The following XPNPEP2 variants were observed in gnomAD, a reference collection of about 807,000 sequenced individuals.
XPNPEP2 encodes xaa-Pro aminopeptidase 2.
In XPNPEP2, 64 loss-of-function variants were observed where a neutral mutation model predicts 59.8. That is an observed-to-expected ratio of 1.07 (90% CI 0.87 to 1.32). The LOEUF (loss-of-function observed/expected upper bound fraction) is 1.32, where lower values mean the gene tolerates loss of function less well. Among genes scored for constraint, XPNPEP2 ranks in the 40% most tolerant of loss-of-function variants. XPNPEP2 has a pLI of 0.00. For missense variants in XPNPEP2, 575 were observed against 546.8 expected, an observed-to-expected ratio of 1.05 and a Z score of -0.51; for synonymous variants, 235 against 210.0, an observed-to-expected ratio of 1.12 and a Z score of -1.03.
At chrX:129,739,291 GCAGCTCTGACCTCTCCCCTCTGAGC>G in intron 1 of XPNPEP2, 29 bp downstream of exon 1, 1 of 1,201,831 alleles carries the variant, frequency 8.3e-7, no homozygotes. Context: ...CCACTGGAAG[GCAGCTCTGACCTCTCCCCTCTGAGC>G]TCAGAAAGGG....
chrX:129,743,039 G>A (rs1229986437), intron 2 of XPNPEP2, among the ~76,000 whole-genome samples: 1 of 112,117 alleles, frequency 8.9e-6, no homozygotes, highest in Non-Finnish European at 1.9e-5. Flanking sequence ...AGACCAGAGT[G>A]ATTCTTTCTA....
chrX:129,761,245 C>T lies in XPNPEP2; in HGVS notation c.1572C>T (p.His524=), dbSNP rs1157025640. Residue 524 remains histidine (H), a synonymous_variant, in exon 17 of 21, where the codon CAC becomes CAT. Coordinates refer to ENST00000371106, the MANE Select transcript of XPNPEP2 (RefSeq NM_003399.6). ...AGLNYGHGTG[H]GIGNFLCVHE... is the part of the protein sequence containing the mutation. ...TCAATTATGGTCATGGGACAGGCCA[C>T]GGCATTGGCAACTTCCTGTGTGTGC... 9.9e-6 allele frequency: 12 copies of T among 1,210,272 alleles called. No individual in the cohort carries two copies. Among genetic ancestry groups the T allele is most frequent in the Non-Finnish European group, 1.3e-5 (12 of 895,146 alleles).
rs745457993 is a variant in XPNPEP2, at chrX:129,761,186, G to A, written c.1513G>A (p.Ala505Thr). 1.2e-5 allele frequency: 15 copies of A among 1,210,106 alleles called. No homozygotes were observed. Among genetic ancestry groups the A allele is most frequent in the Middle Eastern group, 4.6e-4 (2 of 4,370 alleles). Residue 505 changes from alanine to threonine, a missense_variant, in exon 17 of 21, where the codon GCC becomes ACC. Ala to Thr is a moderately conservative substitution (Grantham distance 58, BLOSUM62 0). Coordinates refer to ENST00000371106, the MANE Select transcript of XPNPEP2 (RefSeq NM_003399.6). ...TTCCCTTCCAGGGCGAATGGTGGAGGCCTTTGCCCGCAGAGCCTTGTGGGA... is the reference window on the plus strand; with the variant it reads ...TTCCCTTCCAGGGCGAATGGTGGAGACCTTTGCCCGCAGAGCCTTGTGGGA... The part of the protein sequence containing the change: ...PAATSGRMVE[A>T]FARRALWDAG...
intron 20 of XPNPEP2, 119 bp downstream of exon 20, chrX:129,767,811 C>A: frequency 1.4e-6 from 1 of 711,521 alleles, no homozygotes; most frequent in South Asian, 2.3e-5. Context: ...GTGGCACCTG[C>A]AGACACACAC....
intron 7 of XPNPEP2, among the ~76,000 whole-genome samples, chrX:129,749,106 T>C (rs1239557283): frequency 1.8e-5 from 2 of 112,282 alleles, no homozygotes; most frequent in African/African-American, 6.5e-5. Flanking sequence ...TTCCTGAACC[T>C]TGAAAACATA....
At chrX:129,759,306 C>G in intron 15 of XPNPEP2, 66 bp downstream of exon 15, 1 of 1,163,569 alleles carries the variant, frequency 8.6e-7, no homozygotes, top group Admixed American at 2.2e-5. Context: ...AGTCAAGATC[C>G]CTTCCATTTC....
chrX:129,759,392 C>A, intron 15 of XPNPEP2, 152 bp downstream of exon 15: 1 of 637,094 alleles, frequency 1.6e-6, no homozygotes, highest in Non-Finnish European at 2.4e-6. Flanking sequence ...AAACCCAGTG[C>A]TCCCTGCTGC....
At chrX:129,767,798 C>T in intron 20 of XPNPEP2, 106 bp downstream of exon 20, 1 of 790,924 alleles carries the variant, frequency 1.3e-6, no homozygotes, top group South Asian at 2.1e-5. Context: ...AGGGTCCACA[C>T]TGGTGGCACC....
At position 129,744,596 on chromosome X, in the gene XPNPEP2, G is replaced by A. The variant is rs1926260302; in HGVS notation, c.234+525G>A. Among the ~76,000 whole-genome samples, 3 of 112,217 alleles carry A rather than the reference G, an allele frequency of 2.7e-5. No homozygotes were observed. In the South Asian group the frequency reaches 1.1e-3, roughly 42 times the overall value. On this transcript the variant is annotated intron_variant, in intron 3 of 20. Transcript: ENST00000371106. ...CTTTCCAACACCAGCCCATTTGGAA[G>A]AGAGGGCATTTTTAGTGTCAATGAG...
intron 4 of XPNPEP2, among the ~76,000 whole-genome samples, 178 bp downstream of exon 4, chrX:129,745,444 A>G (rs1480196376): frequency 9.0e-6 from 1 of 110,948 alleles, no homozygotes; most frequent in Non-Finnish European, 1.9e-5. Flanking sequence ...CAGGGCACAT[A>G]TCTCATAGCC....
At chrX:129,764,690 A>T (rs1287421005) in intron 19 of XPNPEP2, among the ~76,000 whole-genome samples, 1 of 106,680 alleles carries the variant, frequency 9.4e-6, no homozygotes, top group Non-Finnish European at 1.9e-5. Flanking sequence ...AGGGCCAGGC[A>T]TGGTGGCTCA....
chrX:129,741,203 T>C (rs1014952922), intron 1 of XPNPEP2, among the ~76,000 whole-genome samples: 8 of 108,172 alleles, frequency 7.4e-5, no homozygotes, highest in Admixed American at 4.9e-4. Context: ...TCACTCTAAA[T>C]TGGGGGCAGA....
chrX:129,757,516 A>G (rs5932676), intron 14 of XPNPEP2, among the ~76,000 whole-genome samples: 39,097 of 106,971 alleles, frequency 0.37, 6,176 homozygotes, highest in African/African-American at 0.61. Context: ...TGCAGAATAG[A>G]CTAACCTGGC....
rs947982563 is a variant in XPNPEP2, at chrX:129,747,491, G to A, written c.491-116G>A. 5.8e-5 allele frequency: 61 copies of A among 1,046,198 alleles called. 1 individual carries two copies. The highest frequency in any genetic ancestry group is 6.6e-5 in the Non-Finnish European group (51 of 767,023). The allele number at this position is 1,046,198 out of a possible 1,213,427, so 86.2% of individuals were successfully genotyped here. On this transcript the variant is annotated intron_variant, in intron 6 of 20. Transcript: ENST00000371106. ...TGGGCAGGCTGCTGGGGCAGGCTCC[G>A]GGCAGCTGGGCTGCAAAGGGAGGCA...
chrX:129,759,086 T>C (rs1370208612), intron 14 of XPNPEP2, 94 bp from the exon 15 acceptor site: 41 of 1,065,588 alleles, frequency 3.8e-5, no homozygotes, highest in Non-Finnish European at 6.5e-6. Context: ...ACCCATCCCA[T>C]CCCAGCCCTG....
intron 1 of XPNPEP2, among the ~76,000 whole-genome samples, chrX:129,740,856 C>T (rs1186500932): frequency 4.7e-5 from 5 of 105,808 alleles, no homozygotes; most frequent in South Asian, 4.4e-4. Flanking sequence ...GCAGGAGAAT[C>T]GCTTGAACCC....
intron 2 of XPNPEP2, 21 bp from the exon 3 acceptor site, chrX:129,743,940 T>C (rs1185550726): frequency 8.5e-7 from 1 of 1,183,198 alleles, no homozygotes; most frequent in Non-Finnish European, 1.1e-6. Flanking sequence ...TGTGTCTCAA[T>C]GTCTTCTTGT....
At chrX:129,741,483 T>G (rs377039577) in intron 1 of XPNPEP2, among the ~76,000 whole-genome samples, 13 of 112,357 alleles carry the variant, frequency 1.2e-4, no homozygotes, top group Non-Finnish European at 1.3e-4. Context: ...AAATATCAAA[T>G]GAGATACTGT....
intron 15 of XPNPEP2, 54 bp from the exon 16 acceptor site, chrX:129,760,458 A>C: frequency 8.7e-7 from 1 of 1,154,728 alleles, no homozygotes; most frequent in Non-Finnish European, 1.2e-6. Flanking sequence ...GCAGCTGGAT[A>C]CTCCTCTGGC....
Sources: gnomAD v4.1 joint callset for allele counts (sites outside exome capture counted in the v4.1 genomes callset) on GRCh38, gnomAD v4.1.1 for gene constraint, MANE v1.5 for transcripts, NCBI Gene and HGNC (gene_info 2026-07-23, HGNC 2026-07-21) for gene names.